The following NRXN3 variants were observed in gnomAD, a reference collection of about 807,000 sequenced individuals.
NRXN3 encodes neurexin III.
NRXN3 carries 32 observed loss-of-function variants against 137.6 expected under a neutral mutation model. The ratio of observed to expected loss-of-function variants is 0.23; its 90% CI spans 0.18 to 0.31. NRXN3 has a LOEUF of 0.31. Among genes scored for constraint, NRXN3 ranks in the 10% least tolerant of loss-of-function variants. The pLI, the probability that NRXN3 is intolerant of heterozygous loss-of-function variation, is 1.00. For synonymous variants in NRXN3, 798 were observed against 784.5 expected (o/e 1.02, Z -0.29); for missense variants, 1,574 against 2,062.5 (o/e 0.76, Z 4.59).
intron 8 of NRXN3, among the ~76,000 whole-genome samples, chr14:78,796,484 A>G: frequency 6.6e-6 from 1 of 152,214 alleles, no homozygotes; most frequent in East Asian, 1.9e-4. Flanking sequence ...TTTCTTAAAC[A>G]ATGGAGATCT....
intron 1 of NRXN3, among the ~76,000 whole-genome samples, chr14:78,216,321 A>G (rs2063278340): frequency 6.6e-6 from 1 of 152,056 alleles, no homozygotes; most frequent in Non-Finnish European, 1.5e-5. Flanking sequence ...CTTTTCATAT[A>G]CATGATCTCA....
chr14:79,549,211 GA>G (rs1479446805), intron 16 of NRXN3, among the ~76,000 whole-genome samples: 1 of 152,096 alleles, frequency 6.6e-6, no homozygotes, highest in Non-Finnish European at 1.5e-5. Flanking sequence ...TCAAAAAACA[GA>G]AGACAAAACC....
chr14:79,462,359 GC>G (rs2096356631), intron 15 of NRXN3, among the ~76,000 whole-genome samples: 1 of 151,542 alleles, frequency 6.6e-6, no homozygotes, highest in Non-Finnish European at 1.5e-5. Flanking sequence ...GGTGACAAGA[GC>G]AAAACTCCAT....
At chr14:79,359,213 C>A (rs1180471122) in intron 15 of NRXN3, among the ~76,000 whole-genome samples, 1 of 152,124 alleles carries the variant, frequency 6.6e-6, no homozygotes, top group Admixed American at 6.5e-5. Flanking sequence ...TCATTAAGTT[C>A]TGATTGCTTT....
chr14:79,315,894 G>GC (rs2088527679), intron 15 of NRXN3, among the ~76,000 whole-genome samples: 1 of 152,146 alleles, frequency 6.6e-6, no homozygotes, highest in Non-Finnish European at 1.5e-5. Context: ...ATTTGCTACT[G>GC]GAAAGAAAGC....
chr14:79,567,885 G>A (rs902818575), intron 16 of NRXN3, among the ~76,000 whole-genome samples: 7 of 152,088 alleles, frequency 4.6e-5, no homozygotes, highest in Non-Finnish European at 8.8e-5. Context: ...CAACTCAGAG[G>A]TGAATCACAG....
At chr14:79,298,782 G>C (rs1251733485) in intron 15 of NRXN3, 1 of 152,222 alleles carries the variant, frequency 6.6e-6, no homozygotes, top group Admixed American at 6.5e-5. Flanking sequence ...CTGGGAATTT[G>C]AATTTCTCAA....
chr14:79,463,699 A>G (rs960645364), intron 15 of NRXN3, among the ~76,000 whole-genome samples: 2 of 152,266 alleles, frequency 1.3e-5, no homozygotes, highest in East Asian at 3.9e-4. Flanking sequence ...GTTTTTGCCA[A>G]CAAGGATGAA....
At chr14:78,332,207 C>A (rs914129243) in intron 4 of NRXN3, among the ~76,000 whole-genome samples, 4 of 152,092 alleles carry the variant, frequency 2.6e-5, no homozygotes, top group Non-Finnish European at 5.9e-5. Context: ...TAAGGCAAAC[C>A]CTCGATAAAT....
At chr14:79,496,381 G>T (rs144300549) in intron 16 of NRXN3, among the ~76,000 whole-genome samples, 5 of 152,148 alleles carry the variant, frequency 3.3e-5, no homozygotes, top group African/African-American at 1.2e-4. Flanking sequence ...CTGATCTGTG[G>T]TGAAAATAGA....
rs373653967 is a variant in NRXN3 at position 78,270,186 on chromosome 14, A to G, written c.710-8459A>G. Among the ~76,000 whole-genome samples the G allele has an allele frequency of 2.2e-3, 331 of 152,184 alleles. 3 individuals carry two copies. Among genetic ancestry groups the G allele is most frequent in the South Asian group, 0.017 (80 of 4,808 alleles). On this transcript the variant is annotated intron_variant, in intron 2 of 20. Transcript: ENST00000335750. ...GAACCTGCCTCTTAACCTCTATCCTATCTATGGTGGGGGCAGAGAAATTGG... is the reference window on the plus strand; with the variant it reads ...GAACCTGCCTCTTAACCTCTATCCTGTCTATGGTGGGGGCAGAGAAATTGG...
intron 14 of NRXN3, among the ~76,000 whole-genome samples, chr14:78,974,043 A>G (rs543802612): frequency 6.6e-6 from 1 of 151,978 alleles, no homozygotes; most frequent in Non-Finnish European, 1.5e-5. Flanking sequence ...AGATTCACAT[A>G]TATTTTAATA....
At chr14:78,556,425 G>A (rs1052815159) in intron 4 of NRXN3, among the ~76,000 whole-genome samples, 15 of 152,198 alleles carry the variant, frequency 9.9e-5, no homozygotes, top group Admixed American at 2.0e-4. Flanking sequence ...TAAAGGAAAC[G>A]TTTATGTGAG....
chr14:79,822,531 C>A (rs751327457), intron 20 of NRXN3, among the ~76,000 whole-genome samples: 1 of 151,984 alleles, frequency 6.6e-6, no homozygotes, highest in African/African-American at 2.4e-5. Context: ...TTTTCTCAGG[C>A]ATTGAAAACA....
chr14:78,336,148 C>T (rs974950337), intron 4 of NRXN3, among the ~76,000 whole-genome samples: 11 of 152,102 alleles, frequency 7.2e-5, no homozygotes, highest in African/African-American at 2.2e-4. Context: ...GCACTTAAAA[C>T]GGAAGTTCAT....
chr14:79,708,521 A>G (rs1309548798), intron 19 of NRXN3, among the ~76,000 whole-genome samples: 3 of 150,750 alleles, frequency 2.0e-5, no homozygotes, highest in African/African-American at 4.9e-5. Context: ...CTGAAAATAT[A>G]TGATGTTCTA....
At chr14:78,511,344 T>C (rs945193677) in intron 4 of NRXN3, among the ~76,000 whole-genome samples, 11 of 152,166 alleles carry the variant, frequency 7.2e-5, no homozygotes, top group Non-Finnish European at 1.5e-4. Flanking sequence ...CATGTAAAGA[T>C]TAATCACAGA....
In NRXN3 at chr14:79,574,222, C is replaced by CCACA. The variant is rs139060549; in HGVS notation, c.3445-89539_3445-89536dup. Among the ~76,000 whole-genome samples the CCACA allele has an allele frequency of 1.5e-3, 221 of 147,722 alleles. 1 individual carries two copies. In the Middle Eastern group the frequency reaches 0.017, roughly 12 times the overall value. On this transcript the variant is annotated intron_variant, in intron 16 of 20. Transcript: ENST00000335750. Reference sequence around the variant, plus strand: ...TTCCTCCAAATATGCGTGCATGCACCCACACACACACACACACACATACAT... The same window carrying CCACA: ...TTCCTCCAAATATGCGTGCATGCACCCACACACACACACACACACACACATACAT...
intron 16 of NRXN3, among the ~76,000 whole-genome samples, chr14:79,593,118 C>T (rs558876104): frequency 6.6e-6 from 1 of 152,170 alleles, no homozygotes; most frequent in East Asian, 1.9e-4. Flanking sequence ...ATCTTAGCCC[C>T]TTTTCATAGA....
Sources: gnomAD v4.1 joint callset for allele counts (sites outside exome capture counted in the v4.1 genomes callset) on GRCh38, gnomAD v4.1.1 for gene constraint, MANE v1.5 for transcripts, NCBI Gene and HGNC (gene_info 2026-07-23, HGNC 2026-07-21) for gene names.